Variants in UTRN observed in about 807,000 individuals in gnomAD.
The protein encoded by UTRN is utrophin, also known as dystrophin-related protein 1.
A neutral mutation model predicts 463.9 loss-of-function variants in UTRN; 283 were observed. That is an observed-to-expected ratio of 0.61 (90% CI 0.55 to 0.67). The LOEUF (loss-of-function observed/expected upper bound fraction) is 0.67. Ranked by LOEUF, UTRN falls within the 30% of genes least tolerant of loss-of-function variation. The pLI is 0.00. For missense variants in UTRN, 3,922 were observed against 4,084.3 expected, an observed-to-expected ratio of 0.96 and a Z score of 1.08; for synonymous variants, 1,442 against 1,431.5, an observed-to-expected ratio of 1.01 and a Z score of -0.17.
intron 2 of UTRN, chr6:144,398,192 T>C (rs1272147161): frequency 4.1e-6 from 1 of 241,154 alleles, no homozygotes; most frequent in African/African-American, 2.3e-5. Context: ...CTCTAATTTC[T>C]GGATGAACCT....
At chr6:144,433,285 C>T (rs1232659522) in intron 9 of UTRN, among the ~76,000 whole-genome samples, 1 of 151,432 alleles carries the variant, frequency 6.6e-6, no homozygotes, top group African/African-American at 2.4e-5. Flanking sequence ...CCCCTCACCT[C>T]CCGGACGGGG....
intron 53 of UTRN, among the ~76,000 whole-genome samples, chr6:144,713,423 T>C (rs1785961897): frequency 6.8e-6 from 1 of 146,812 alleles, no homozygotes; most frequent in Non-Finnish European, 1.5e-5. Context: ...CTGACCAACA[T>C]GGTGAAACCC....
At chr6:144,730,747 A>G (rs964786714) in intron 54 of UTRN, among the ~76,000 whole-genome samples, 13 of 151,966 alleles carry the variant, frequency 8.6e-5, no homozygotes, top group Admixed American at 6.6e-4. Flanking sequence ...AGTGTACTGT[A>G]ACTATAAAAG....
chr6:144,828,611 A>G (rs1379109084), intron 68 of UTRN, among the ~76,000 whole-genome samples, 179 bp from the exon 69 acceptor site: 1 of 152,218 alleles, frequency 6.6e-6, no homozygotes, highest in African/African-American at 2.4e-5. Flanking sequence ...GCATTAAGGC[A>G]GTGGTGATAG....
intron 2 of UTRN, among the ~76,000 whole-genome samples, chr6:144,368,442 C>T (rs1370250138): frequency 6.6e-6 from 1 of 151,952 alleles, no homozygotes; most frequent in African/African-American, 2.4e-5. Context: ...TGTTTTTTGG[C>T]CTTAGGAAAG....
intron 57 of UTRN, among the ~76,000 whole-genome samples, chr6:144,757,610 T>C (rs756946297): frequency 1.3e-5 from 2 of 152,094 alleles, no homozygotes; most frequent in Non-Finnish European, 2.9e-5. Flanking sequence ...AAAATATATA[T>C]GGAGTACAGT....
At chr6:144,454,569 A>C (rs527263981) in intron 19 of UTRN, among the ~76,000 whole-genome samples, 1 of 152,296 alleles carries the variant, frequency 6.6e-6, no homozygotes, top group East Asian at 1.9e-4. Flanking sequence ...ACCTGTACAG[A>C]TACCTATACA....
At chr6:144,483,622 T>A (rs1792117997) in intron 27 of UTRN, among the ~76,000 whole-genome samples, 1 of 152,122 alleles carries the variant, frequency 6.6e-6, no homozygotes, top group Non-Finnish European at 1.5e-5. Flanking sequence ...ATTTTTAAAT[T>A]TTTTTTGTAG....
chr6:144,606,283 T>C (rs1804840741), intron 51 of UTRN, among the ~76,000 whole-genome samples: 1 of 152,222 alleles, frequency 6.6e-6, no homozygotes, highest in African/African-American at 2.4e-5. Flanking sequence ...TGCACAGATG[T>C]AATTACCAAT....
intron 60 of UTRN, among the ~76,000 whole-genome samples, chr6:144,779,167 A>G (rs928153455): frequency 1.3e-5 from 2 of 152,218 alleles, no homozygotes; most frequent in Non-Finnish European, 2.9e-5. Context: ...GTGGGGATCC[A>G]ATAGCAGTGC....
chr6:144,723,775 G>A (rs1283176390), intron 53 of UTRN, among the ~76,000 whole-genome samples: 3 of 152,010 alleles, frequency 2.0e-5, no homozygotes, highest in Non-Finnish European at 2.9e-5. Flanking sequence ...GCCAAGGTGG[G>A]TGGATTGCCC....
At chr6:144,352,421 A>T (rs1778186071) in intron 2 of UTRN, among the ~76,000 whole-genome samples, 4 of 152,222 alleles carry the variant, frequency 2.6e-5, no homozygotes, top group Admixed American at 2.6e-4. Flanking sequence ...TATATGCATT[A>T]AAAATTTCAT....
intron 51 of UTRN, among the ~76,000 whole-genome samples, chr6:144,637,856 A>G (rs1264055643): frequency 6.6e-6 from 1 of 151,034 alleles, no homozygotes; most frequent in African/African-American, 2.4e-5. Flanking sequence ...TTCTGATTTA[A>G]TGTTCTTCTT....
chr6:144,839,136 A>G, intron 71 of UTRN, 37 bp from the exon 72 acceptor site: 1 of 1,516,646 alleles, frequency 6.6e-7, no homozygotes, highest in South Asian at 1.1e-5. Flanking sequence ...GATTATTTGA[A>G]TCCTTTCTCT....
chr6:144,809,279 CTGAT>C (rs1388458920), intron 65 of UTRN, among the ~76,000 whole-genome samples: 1 of 152,080 alleles, frequency 6.6e-6, no homozygotes, highest in African/African-American at 2.4e-5. Flanking sequence ...GATGAGTAAA[CTGAT>C]TGCTACCTTG....
intron 1 of UTRN, among the ~76,000 whole-genome samples, chr6:144,289,713 A>G (rs1383598664): frequency 1.3e-5 from 2 of 151,968 alleles, no homozygotes; most frequent in African/African-American, 4.8e-5. Flanking sequence ...TAATAGCACA[A>G]TTTCGGCTCA....
intron 51 of UTRN, among the ~76,000 whole-genome samples, chr6:144,660,987 C>A (rs925630269): frequency 1.3e-5 from 2 of 152,280 alleles, no homozygotes; most frequent in Admixed American, 1.3e-4. Context: ...TGCGTGTATG[C>A]GCTCCTGCCC....
chr6:144,327,269 C>A (rs147618005), intron 2 of UTRN, among the ~76,000 whole-genome samples: 2 of 152,080 alleles, frequency 1.3e-5, no homozygotes, highest in Non-Finnish European at 2.9e-5. Context: ...TTCCTTTTGG[C>A]GGGAGAGAGT....
intron 55 of UTRN, among the ~76,000 whole-genome samples, chr6:144,749,340 G>T (rs1791124116): frequency 6.6e-6 from 1 of 152,114 alleles, no homozygotes; most frequent in Admixed American, 6.6e-5. Context: ...ATCCTTGGGG[G>T]TAATCAAATA....
Sources: gnomAD v4.1 joint callset for allele counts (sites outside exome capture counted in the v4.1 genomes callset) on GRCh38, gnomAD v4.1.1 for gene constraint, MANE v1.5 for transcripts, NCBI Gene and HGNC (gene_info 2026-07-23, HGNC 2026-07-21) for gene names.